The following CSNK2A1 variants were observed in gnomAD, a reference collection of about 807,000 sequenced individuals.
The protein encoded by CSNK2A1 is casein kinase II subunit alpha.
In CSNK2A1, 10 loss-of-function variants were observed where a neutral mutation model predicts 62.9. The ratio of observed to expected loss-of-function variants is 0.16; its 90% CI spans 0.10 to 0.27. The LOEUF (loss-of-function observed/expected upper bound fraction) is 0.27, where lower values mean the gene tolerates loss of function less well. Among genes scored for constraint, CSNK2A1 ranks in the 10% least tolerant of loss-of-function variants. CSNK2A1 has a pLI of 1.00. For missense variants in CSNK2A1, 160 were observed against 492.0 expected (o/e 0.33, Z 6.38); for synonymous variants, 124 against 167.8 (o/e 0.74, Z 2.02).
At chr20:539,229 A>C (rs957267930) in intron 1 of CSNK2A1, 1 of 152,224 alleles carries the variant, frequency 6.6e-6, no homozygotes, top group Admixed American at 6.5e-5. Context: ...GGGTCTCACA[A>C]GGGCTAAATG....
In CSNK2A1 at chr20:476,934, A is replaced by T; in HGVS notation, c.*7027T>A. ...CAGACAGGGTCTCACTCTGTTGCTC[A>T]GTCTGGGGTGCAGTGGCACTATCAT... On this transcript the variant is annotated 3_prime_UTR_variant, in exon 14 of 14. Transcript: ENST00000217244. The T allele has an allele frequency of 6.6e-6, 1 of 152,202 alleles. No individual in the cohort carries two copies. The highest frequency in any genetic ancestry group is 1.9e-4 in the East Asian group (1 of 5,188). 9.4% of individuals were successfully genotyped at this position (152,202 alleles called of 1,614,324 possible).
intron 9 of CSNK2A1, among the ~76,000 whole-genome samples, chr20:491,643 C>T (rs542557636): frequency 2.0e-5 from 3 of 152,118 alleles, no homozygotes; most frequent in Admixed American, 6.5e-5. Context: ...TGCACTCCAG[C>T]CTGGGCAACA....
intron 1 of CSNK2A1, among the ~76,000 whole-genome samples, chr20:530,297 C>T (rs983208617): frequency 2.0e-5 from 3 of 152,152 alleles, no homozygotes; most frequent in Admixed American, 2.0e-4. Flanking sequence ...AGTTTATCCA[C>T]GTTGTTGCAA....
chr20:525,132 TA>T lies in CSNK2A1; in HGVS notation c.-110+2800del, dbSNP rs112320547. The stretch of plus-strand genomic sequence containing the variant: ...AATCAATCAATCAATAAATTTTAAA[TA>T]AAAAAAAACATAGGCTATAGAGAGT... On this transcript the variant is annotated intron_variant, in intron 2 of 13. Transcript: ENST00000217244. Among the ~76,000 whole-genome samples, 12 of 151,246 alleles carry T rather than the reference TA, an allele frequency of 7.9e-5. No individual in the cohort carries two copies. In the East Asian group the frequency reaches 1.9e-3, roughly 24 times the overall value.
chr20:492,971 G>A (rs1373807372), intron 8 of CSNK2A1, among the ~76,000 whole-genome samples: 1 of 152,164 alleles, frequency 6.6e-6, no homozygotes, highest in Non-Finnish European at 1.5e-5. Context: ...GGGGTAAGAG[G>A]CAAGCTTATC....
intron 1 of CSNK2A1, among the ~76,000 whole-genome samples, chr20:529,241 G>C (rs2019161662): frequency 6.7e-6 from 1 of 149,702 alleles, no homozygotes; most frequent in Non-Finnish European, 1.5e-5. Context: ...GCCCGGGCTA[G>C]TCTTGAACTC....
chr20:487,160 C>G, intron 12 of CSNK2A1: 2 of 484,304 alleles, frequency 4.1e-6, no homozygotes, highest in South Asian at 6.3e-5. Context: ...TCTAATTCAA[C>G]CATTCCAGAC....
Position 489,868 on chromosome 20 carries a change from C to G in CSNK2A1, c.635G>C (p.Ser212Thr). 1 of 1,611,954 alleles carries G rather than the reference C, an allele frequency of 6.2e-7. No individual in the cohort carries two copies. Among genetic ancestry groups the G allele is most frequent in the Non-Finnish European group, 8.5e-7 (1 of 1,178,608 alleles). ...LLVDYQMYDY[S>T]LDMWSLGCML... ...ACAACCCAAACTCCACATATCCAAACTATAATCGTACATCTGCATAAAAGT... is the reference window on the plus strand; with the variant it reads ...ACAACCCAAACTCCACATATCCAAAGTATAATCGTACATCTGCATAAAAGT... Residue 212 changes from serine (S) to threonine (T), a missense_variant, in exon 10 of 14, where the codon AGT becomes ACT. By Grantham distance (58) the Ser-to-Thr change is moderately conservative. This residue lies in a region of CSNK2A1 where 94 missense variants were observed against 357.6 expected (regional missense o/e 0.26). Transcript: ENST00000217244.
At chr20:540,485 G>A (rs1370838114) in intron 1 of CSNK2A1, among the ~76,000 whole-genome samples, 1 of 152,102 alleles carries the variant, frequency 6.6e-6, no homozygotes, top group Non-Finnish European at 1.5e-5. Context: ...ACTTCTGTCT[G>A]GGCCCTCACT....
intron 1 of CSNK2A1, among the ~76,000 whole-genome samples, chr20:542,507 A>C (rs951641706): frequency 6.6e-6 from 1 of 152,152 alleles, no homozygotes; most frequent in Non-Finnish European, 1.5e-5. Flanking sequence ...ATCTCAGCTC[A>C]CTGCCACCTC....
At chr20:530,879 G>A (rs774719732) in intron 1 of CSNK2A1, among the ~76,000 whole-genome samples, 8 of 152,128 alleles carry the variant, frequency 5.3e-5, no homozygotes, top group Non-Finnish European at 8.8e-5. Flanking sequence ...GAGGTCAGGA[G>A]TTCATGACAG....
intron 8 of CSNK2A1, among the ~76,000 whole-genome samples, chr20:493,262 C>T (rs964861829): frequency 1.3e-5 from 2 of 152,144 alleles, no homozygotes; most frequent in African/African-American, 4.8e-5. Flanking sequence ...CATATTGTGA[C>T]CATTATCATC....
intron 13 of CSNK2A1, among the ~76,000 whole-genome samples, chr20:486,028 C>T (rs947362595): frequency 3.3e-5 from 5 of 152,214 alleles, no homozygotes; most frequent in African/African-American, 1.2e-4. Context: ...ATAAACCCCA[C>T]CTCTATACCC....
At chr20:495,062 T>A (rs2018318107) in intron 8 of CSNK2A1, 3 of 152,246 alleles carry the variant, frequency 2.0e-5, no homozygotes, top group Admixed American at 1.3e-4. Context: ...GACAAGCATT[T>A]ATTGTATGTT....
rs1016009128 is a variant in CSNK2A1, at chr20:483,010, C to T, written c.*951G>A. ...TGGAAGTCAGTGTGGCCACATCTCC[C>T]ATTAGCTCTAGCATGAAACCTGTAC... On this transcript the variant is annotated 3_prime_UTR_variant, in exon 14 of 14. Transcript: ENST00000217244. 2 of 152,354 alleles carry T rather than the reference C, an allele frequency of 1.3e-5. No homozygotes were observed. Among genetic ancestry groups the T allele is most frequent in the African/African-American group, 4.8e-5 (2 of 41,444 alleles). The allele number at this position is 152,354 out of a possible 1,614,324, so 9.4% of individuals were successfully genotyped here. A position where few individuals can be genotyped will look rare whatever the true frequency, so the allele number is the denominator to read the frequency against.
intron 8 of CSNK2A1, chr20:495,423 G>C (rs2018326154): frequency 6.0e-6 from 2 of 335,576 alleles, no homozygotes; most frequent in Non-Finnish European, 1.1e-5. Flanking sequence ...CAAATGGAGA[G>C]AAAGTAGTTT....
chr20:486,977 A>G (rs1390841368), intron 12 of CSNK2A1: 4 of 183,406 alleles, frequency 2.2e-5, no homozygotes, highest in Non-Finnish European at 4.6e-5. Context: ...TGTTGCAGCT[A>G]ACATCACAGT....
intron 12 of CSNK2A1, 33 bp downstream of exon 12, chr20:487,394 C>T (rs373825644): frequency 9.9e-6 from 16 of 1,612,530 alleles, no homozygotes; most frequent in Non-Finnish European, 1.3e-5. Flanking sequence ...TCTGCGCCTG[C>T]ACAAACTCTG....
At chr20:503,645 A>C in intron 4 of CSNK2A1, 1 of 398,604 alleles carries the variant, frequency 2.5e-6, no homozygotes, top group Non-Finnish European at 4.4e-6. Context: ...TCGCGATGGC[A>C]TATTTTTGTG....
Sources: allele counts gnomAD v4.1 joint callset (sites outside exome capture counted in the v4.1 genomes callset), GRCh38; gene constraint gnomAD v4.1.1; regional missense constraint gnomAD v4.1.1; transcripts MANE v1.5; gene names NCBI Gene and HGNC (gene_info 2026-07-23, HGNC 2026-07-21).